PAGE2B: variants seen among roughly 807,000 people sequenced by gnomAD.
The protein encoded by PAGE2B is PAGE family member 2B.
A neutral mutation model predicts 7.6 loss-of-function variants in PAGE2B; 5 were observed. The observed-to-expected ratio is 0.66, with a 90% CI of 0.34 to 1.38. PAGE2B has a LOEUF of 1.38. PAGE2B is among the 40% of genes most tolerant of loss of function. PAGE2B has a pLI of 0.04. For missense variants in PAGE2B, 70 were observed against 78.4 expected (o/e 0.89, Z 0.41); for synonymous variants, 29 against 26.7 (o/e 1.09, Z -0.27).
chrX:55,039,801 T>C, the PAGE2B span, among the ~76,000 whole-genome samples: 101 of 112,132 alleles, frequency 9.0e-4, no homozygotes, highest in African/African-American at 3.1e-3. Flanking sequence ...ACATAGACAG[T>C]GTGGGCCAGG....
the PAGE2B span, among the ~76,000 whole-genome samples, chrX:55,049,736 G>A: frequency 9.0e-6 from 1 of 110,656 alleles, no homozygotes; most frequent in African/African-American, 3.3e-5. Context: ...TATCAATTTT[G>A]TTGATCTTTT....
At chrX:55,069,699 A>C in the PAGE2B span, among the ~76,000 whole-genome samples, 1 of 111,313 alleles carries the variant, frequency 9.0e-6, no homozygotes, top group East Asian at 2.8e-4. Flanking sequence ...GTAGGCTATT[A>C]ATTGCTGCCT....
chrX:55,075,208 T>A (rs1446266291), intron 1 of PAGE2B, 94 bp downstream of exon 1: 6 of 135,060 alleles, frequency 4.4e-5, no homozygotes, highest in Non-Finnish European at 8.8e-5. Flanking sequence ...GCACAGTCCG[T>A]GGCTTCCGAG....
At chrX:55,060,854 C>T in the PAGE2B span, among the ~76,000 whole-genome samples, 2 of 110,080 alleles carry the variant, frequency 1.8e-5, no homozygotes, top group South Asian at 3.8e-4. Context: ...TTTTCAATAA[C>T]CAAATTGAAA....
At chrX:55,072,204 T>C (rs1461687157), upstream of PAGE2B, among the ~76,000 whole-genome samples, 2 of 112,426 alleles carry the variant, frequency 1.8e-5, no homozygotes, top group East Asian at 2.8e-4. Flanking sequence ...CTCATCTTCA[T>C]GGATTTATCT....
In PAGE2B at chrX:55,076,108, C is replaced by G. The variant is rs752541823; in HGVS notation, c.67C>G (p.Pro23Ala). The G allele has an allele frequency of 5.8e-6, 7 of 1,204,715 alleles. No homozygotes were observed. In the South Asian group the frequency reaches 1.1e-4, roughly 18 times the overall value. Residue 23 changes from proline (P) to alanine (A), a missense_variant, in exon 2 of 5, where the codon CCA becomes GCA. Pro to Ala is a conservative substitution (Grantham distance 27). Transcript: ENST00000374971. ...AGGAAATGACCAAGAGTCTTCCCAG[C>G]CAGTTGGATCTGTGATTGTGAGTCC... ...ERGNDQESSQ[P>A]VGSVIVQEPT...
chrX:55,046,800 T>C, the PAGE2B span, among the ~76,000 whole-genome samples: 8 of 112,115 alleles, frequency 7.1e-5, no homozygotes, highest in African/African-American at 2.6e-4. Flanking sequence ...AGGATGCAGA[T>C]GATGAAGCCT....
At chrX:55,064,952 C>A in the PAGE2B span, among the ~76,000 whole-genome samples, 28 of 111,303 alleles carry the variant, frequency 2.5e-4, no homozygotes, top group African/African-American at 8.8e-4. Context: ...TTGAAGACTT[C>A]TTTTGTGGCC....
the PAGE2B span, among the ~76,000 whole-genome samples, chrX:55,034,341 A>G: frequency 1.8e-5 from 2 of 111,947 alleles, no homozygotes; most frequent in Admixed American, 1.9e-4. Flanking sequence ...TTGCCCTAAT[A>G]CCATTTGGTG....
At chrX:55,061,697 CTAACTA>C in the PAGE2B span, among the ~76,000 whole-genome samples, 1 of 110,930 alleles carries the variant, frequency 9.0e-6, no homozygotes, top group East Asian at 2.8e-4. Context: ...TTCATTCTTT[CTAACTA>C]TATTTTTGCG....
At chrX:55,044,458 A>G in the PAGE2B span, among the ~76,000 whole-genome samples, 2 of 111,088 alleles carry the variant, frequency 1.8e-5, no homozygotes, top group Non-Finnish European at 3.8e-5. Context: ...ACTTGGGGGG[A>G]AGGGTGGATG....
the PAGE2B span, among the ~76,000 whole-genome samples, chrX:55,064,383 G>A: frequency 9.0e-6 from 1 of 111,457 alleles, no homozygotes; most frequent in African/African-American, 3.3e-5. Context: ...AATTTCTGTA[G>A]TATCAGTTGT....
chrX:55,035,633 T>C, the PAGE2B span, among the ~76,000 whole-genome samples: 6 of 112,052 alleles, frequency 5.4e-5, no homozygotes, highest in Non-Finnish European at 1.1e-4. Context: ...GAATGAACAG[T>C]GATTAAGAAC....
chrX:55,050,754 C>T, the PAGE2B span, among the ~76,000 whole-genome samples: 1 of 111,666 alleles, frequency 9.0e-6, no homozygotes, highest in Admixed American at 9.6e-5. Context: ...GGTCTTGGCT[C>T]TTTATCCAGT....
At chrX:55,070,075 C>A (rs138075740), upstream of PAGE2B, among the ~76,000 whole-genome samples, 154 of 111,265 alleles carry the variant, frequency 1.4e-3, 2 homozygotes, top group Non-Finnish European at 2.5e-3. Context: ...CTGTCTTCTG[C>A]TAGCTTTTGA....
the PAGE2B span, among the ~76,000 whole-genome samples, chrX:55,053,493 G>C: frequency 8.9e-6 from 1 of 111,870 alleles, no homozygotes; most frequent in African/African-American, 3.3e-5. Context: ...TGACAAACTT[G>C]CACATCCTGC....
chrX:55,043,926 A>G, the PAGE2B span, among the ~76,000 whole-genome samples: 1 of 108,756 alleles, frequency 9.2e-6, no homozygotes, highest in Admixed American at 1.0e-4. Context: ...AGATCGCACC[A>G]TTGCACTCCA....
At chrX:55,034,251 G>C in the PAGE2B span, among the ~76,000 whole-genome samples, 1 of 111,881 alleles carries the variant, frequency 8.9e-6, no homozygotes, top group Non-Finnish European at 1.9e-5. Flanking sequence ...CTTCATGTAA[G>C]ATTGGTCTAT....
chrX:55,076,829 C>T lies in PAGE2B; in HGVS notation c.193+152C>T, dbSNP rs764981296. On this transcript the variant is annotated intron_variant, in intron 3 of 4. Transcript: ENST00000374971. ...GCTGTGTGGAGGGGTGGGACAAGGA[C>T]GCATAAAAAGCCACTAAGCTTTCCT... The T allele has an allele frequency of 3.5e-4, 204 of 586,107 alleles. 2 individuals are homozygous for T. Among genetic ancestry groups the T allele is most frequent in the East Asian group, 1.6e-3 (43 of 26,639 alleles). The allele number at this position is 586,107 out of a possible 1,213,427, so 48.3% of individuals were successfully genotyped here.
Sources: gnomAD v4.1 joint callset for allele counts (sites outside exome capture counted in the v4.1 genomes callset) on GRCh38, gnomAD v4.1.1 for gene constraint, MANE v1.5 for transcripts, NCBI Gene and HGNC (gene_info 2026-07-23, HGNC 2026-07-21) for gene names.